TRHDE: variants seen among roughly 807,000 people sequenced by gnomAD.
TRHDE encodes the protein thyrotropin releasing hormone degrading enzyme.
In TRHDE, 72 loss-of-function variants were observed where a neutral mutation model predicts 125.7. The ratio of observed to expected loss-of-function variants is 0.57; its 90% CI spans 0.47 to 0.70. The LOEUF (loss-of-function observed/expected upper bound fraction) is 0.70, where lower values mean the gene tolerates loss of function less well. Among genes scored for constraint, TRHDE ranks in the 30% least tolerant of loss-of-function variants. The pLI is 0.00. For missense variants in TRHDE, 1,110 were observed against 1,327.1 expected, an observed-to-expected ratio of 0.84 and a Z score of 2.54; for synonymous variants, 509 against 509.1, an observed-to-expected ratio of 1.00 and a Z score of 0.00.
rs143441685 is a variant in TRHDE at position 72,178,850 on chromosome 12, C to A, written n.279+73098C>A. ...TGTGAAAGCAAATAAAATGATAAAT[C>A]CAGGGCAAGAAATATCAAAATATTT... On this transcript the variant is annotated intron_variant and non_coding_transcript_variant, in intron 2 of 4. Coordinates refer to the TRHDE transcript ENST00000548156. 6.8e-4 allele frequency among the ~76,000 whole-genome samples: 104 copies of A among 152,010 alleles called. 1 individual carries two copies. In the East Asian group the frequency reaches 0.016, roughly 24 times the overall value.
chr12:72,249,095 C>G (rs916979592), intron 2 of TRHDE, among the ~76,000 whole-genome samples: 4 of 151,968 alleles, frequency 2.6e-5, no homozygotes, highest in African/African-American at 9.7e-5. Flanking sequence ...TATAACACAT[C>G]TAGACAAAAG....
intron 6 of TRHDE, among the ~76,000 whole-genome samples, chr12:72,510,026 T>C (rs549844952): frequency 1.3e-5 from 2 of 152,260 alleles, no homozygotes; most frequent in East Asian, 3.9e-4. Context: ...AGTTTTCTAA[T>C]GGGTTTCATC....
rs563736903 is a variant in TRHDE, at chr12:72,236,784, G to A, written n.279+131032G>A. Among the ~76,000 whole-genome samples, 47 of 152,266 alleles carry A rather than the reference G, an allele frequency of 3.1e-4. No homozygotes were observed. In the South Asian group the frequency reaches 9.3e-3, roughly 30 times the overall value. ...ACAAGTATGCAGCACATTTAATTGGGAATGTGGATGAGACTTTTTTTTCTA... is the reference window on the plus strand; with the variant it reads ...ACAAGTATGCAGCACATTTAATTGGAAATGTGGATGAGACTTTTTTTTCTA... On this transcript the variant is annotated intron_variant and non_coding_transcript_variant, in intron 2 of 4. Coordinates refer to the TRHDE transcript ENST00000548156.
intron 2 of TRHDE, among the ~76,000 whole-genome samples, chr12:72,251,840 A>G (rs1878693633): frequency 2.0e-5 from 3 of 152,016 alleles, no homozygotes; most frequent in South Asian, 2.1e-4. Context: ...TGGTGTTACT[A>G]TTTTTTAAAC....
chr12:72,211,628 TGACAGGCCCCGGGGACGCAAAGC>T (rs1877784027), intron 2 of TRHDE, among the ~76,000 whole-genome samples: 1 of 152,146 alleles, frequency 6.6e-6, no homozygotes, highest in African/African-American at 2.4e-5. Context: ...CCAGGAATTA[TGACAGGCCCCGGGGACGCAAAGC>T]TATATAGACT....
intron 12 of TRHDE, among the ~76,000 whole-genome samples, chr12:72,579,707 G>A (rs1160343380): frequency 2.6e-5 from 4 of 152,010 alleles, no homozygotes; most frequent in African/African-American, 9.7e-5. Flanking sequence ...TTTCTTAAGA[G>A]ATTGTTTTTG....
chr12:72,362,389 T>C (rs1392818358), intron 2 of TRHDE, among the ~76,000 whole-genome samples: 30 of 149,922 alleles, frequency 2.0e-4, no homozygotes, highest in African/African-American at 7.1e-4. Flanking sequence ...TCATGTCCTT[T>C]GCCCACTTTT....
At chr12:72,500,485 G>A (rs926612868) in intron 6 of TRHDE, among the ~76,000 whole-genome samples, 5 of 151,960 alleles carry the variant, frequency 3.3e-5, no homozygotes, top group Admixed American at 6.6e-5. Flanking sequence ...TTCACCTCCC[G>A]GGTTCAAGTG....
intron 3 of TRHDE, among the ~76,000 whole-genome samples, chr12:72,385,096 T>G (rs1381956052): frequency 6.6e-6 from 1 of 152,148 alleles, no homozygotes; most frequent in Non-Finnish European, 1.5e-5. Flanking sequence ...ATTGAGTTAC[T>G]ATGTATGTGT....
At chr12:72,361,130 A>G (rs1871056035) in intron 2 of TRHDE, among the ~76,000 whole-genome samples, 1 of 151,680 alleles carries the variant, frequency 6.6e-6, no homozygotes, top group Non-Finnish European at 1.5e-5. Context: ...TGTGTATATT[A>G]GTGTCTGTTT....
chr12:72,260,351 G>T (rs1878921015), intron 2 of TRHDE, among the ~76,000 whole-genome samples: 8 of 120,434 alleles, frequency 6.6e-5, no homozygotes, highest in Admixed American at 6.1e-4. Context: ...CAGGAAAAAT[G>T]ATACTTTTTT....
intron 15 of TRHDE, among the ~76,000 whole-genome samples, chr12:72,651,644 A>T (rs1480287840): frequency 2.6e-5 from 4 of 152,034 alleles, no homozygotes; most frequent in Non-Finnish European, 5.9e-5. Flanking sequence ...ACTAAGGCAA[A>T]GTAGGGATGA....
At chr12:72,220,626 A>G (rs1592488861) in intron 2 of TRHDE, among the ~76,000 whole-genome samples, 1 of 151,954 alleles carries the variant, frequency 6.6e-6, no homozygotes, top group South Asian at 2.1e-4. Context: ...CCATACTTCA[A>G]ACTCTCACTC....
intron 3 of TRHDE, among the ~76,000 whole-genome samples, chr12:72,417,937 C>T (rs1317279299): frequency 6.6e-6 from 1 of 151,938 alleles, no homozygotes; most frequent in African/African-American, 2.4e-5. Context: ...TAATATATGG[C>T]CATTGTCTAG....
At chr12:72,381,395 GT>G (rs61184961) in intron 3 of TRHDE, among the ~76,000 whole-genome samples, 221 of 137,962 alleles carry the variant, frequency 1.6e-3, no homozygotes, top group Middle Eastern at 7.8e-3. Flanking sequence ...AGATACGAAA[GT>G]TTTTTTTTTT....
intron 18 of TRHDE, among the ~76,000 whole-genome samples, chr12:72,659,973 TGAG>T (rs1369673484): frequency 1.3e-5 from 2 of 150,822 alleles, no homozygotes; most frequent in East Asian, 1.9e-4. Context: ...ACCACCAAGA[TGAG>T]GAGACCGGTG....
chr12:72,558,778 T>G (rs1870038769), intron 7 of TRHDE, among the ~76,000 whole-genome samples: 1 of 152,134 alleles, frequency 6.6e-6, no homozygotes, highest in Non-Finnish European at 1.5e-5. Flanking sequence ...GATAACCCTT[T>G]GCTAGAGGTG....
intron 12 of TRHDE, among the ~76,000 whole-genome samples, chr12:72,592,778 T>C (rs1238237795): frequency 6.6e-6 from 1 of 151,970 alleles, no homozygotes; most frequent in South Asian, 2.1e-4. Flanking sequence ...TGGTGCGATC[T>C]CGGCTCACTG....
At chr12:72,313,075 A>C (rs1039037436) in intron 2 of TRHDE, among the ~76,000 whole-genome samples, 10 of 152,090 alleles carry the variant, frequency 6.6e-5, no homozygotes, top group Non-Finnish European at 2.9e-5. Context: ...TAAACATTAA[A>C]ATTTTTTATA....
Sources: allele counts gnomAD v4.1 joint callset (sites outside exome capture counted in the v4.1 genomes callset), GRCh38; gene constraint gnomAD v4.1.1; transcripts MANE v1.5; gene names NCBI Gene and HGNC (gene_info 2026-07-23, HGNC 2026-07-21).